The following FRAS1 variants were observed in gnomAD, a reference collection of about 807,000 sequenced individuals.
FRAS1 encodes Fraser extracellular matrix complex subunit 1, also known as extracellular matrix organizing protein FRAS1.
Under a neutral mutation model 435.2 loss-of-function variants are expected in FRAS1, and 290 were observed. That is an observed-to-expected ratio of 0.67 (90% CI 0.61 to 0.73). The LOEUF (loss-of-function observed/expected upper bound fraction) is 0.73. FRAS1 is among the 30% of genes least tolerant of loss of function. FRAS1 has a pLI of 0.00. For missense variants in FRAS1, 4,860 were observed against 5,001.5 expected, an observed-to-expected ratio of 0.97 and a Z score of 0.85; for synonymous variants, 1,800 against 1,851.0, an observed-to-expected ratio of 0.97 and a Z score of 0.71.
chr4:78,333,211 G>C, intron 18 of FRAS1, 61 bp from the exon 19 acceptor site: 1 of 1,548,142 alleles, frequency 6.5e-7, no homozygotes, highest in Non-Finnish European at 8.7e-7. Context: ...GAGAGATAGA[G>C]TTACTGTCTG....
At chr4:78,204,718 C>A (rs1307436090) in intron 2 of FRAS1, among the ~76,000 whole-genome samples, 1 of 152,144 alleles carries the variant, frequency 6.6e-6, no homozygotes, top group Non-Finnish European at 1.5e-5. Context: ...TTGACTAACT[C>A]TGAACTATTT....
Position 78,522,725 on chromosome 4 carries a change from T to C in FRAS1, c.10725T>C (p.Ile3575=). ...FVLTPDHLGG[I]EFDLQLLWSA... ...TGACTCCAGACCACCTAGGAGGAAT[T>C]GAATTTGACTTGCAGCTATTATGGA... The change falls in exon 69 of 74, where the codon ATT becomes ATC. Residue 3575 remains isoleucine, a synonymous_variant. Transcript: ENST00000512123. 6.2e-6 allele frequency: 10 copies of C among 1,612,198 alleles called. No homozygotes were observed. Among genetic ancestry groups the C allele is most frequent in the Non-Finnish European group, 8.5e-6 (10 of 1,179,102 alleles).
At chr4:78,316,500 C>T (rs1436735655) in intron 16 of FRAS1, among the ~76,000 whole-genome samples, 1 of 152,138 alleles carries the variant, frequency 6.6e-6, no homozygotes, top group Admixed American at 6.5e-5. Context: ...TCCTCTGTGT[C>T]CTGCCCCCAC....
Position 78,203,811 on chromosome 4 carries a change from G to A in FRAS1, c.109-33699G>A, listed in dbSNP as rs900646033. ...TCGAACTCCTGACCTCAGGTGATCC[G>A]CCCGCCTCGGGCTCCCAAAGTGCTG... On this transcript the variant is annotated intron_variant, in intron 2 of 73. Coordinates refer to ENST00000512123, the MANE Select transcript of FRAS1 (RefSeq NM_025074.7). 4.6e-5 allele frequency among the ~76,000 whole-genome samples: 7 copies of A among 152,144 alleles called. No homozygotes were observed. In the East Asian group the frequency reaches 5.8e-4, roughly 13 times the overall value.
At chr4:78,522,904 C>A in intron 69 of FRAS1, 96 bp downstream of exon 69, 1 of 1,122,610 alleles carries the variant, frequency 8.9e-7, no homozygotes, top group Non-Finnish European at 1.2e-6. Flanking sequence ...GAAGGCTAGA[C>A]TTTTATTTTA....
Position 78,513,463 on chromosome 4 carries a change from A to G in FRAS1, c.10085A>G (p.Asn3362Ser), listed in dbSNP as rs974771561. Residue 3362 changes from asparagine (N) to serine (S), a missense_variant, in exon 65 of 74, where the codon AAC (asparagine) becomes AGC (serine). Physicochemically the swap from Asn to Ser is conservative, Grantham distance 46 (BLOSUM62 1). Coordinates refer to ENST00000512123, the MANE Select transcript of FRAS1 (RefSeq NM_025074.7). Reference protein sequence around the residue: ...LPLISTMPLHNLHFLLSESIY... With the variant: ...LPLISTMPLHSLHFLLSESIY... ...CTTATCTCCACCATGCCGTTGCACA[A>G]CTTACATTTTCTACTGTCTGAGTCC... The G allele has an allele frequency of 6.2e-6, 10 of 1,613,826 alleles. No homozygotes were observed. The highest frequency in any genetic ancestry group is 1.3e-5 in the African/African-American group (1 of 74,912).
chr4:78,220,332 A>G (rs1462322164), intron 2 of FRAS1, among the ~76,000 whole-genome samples: 1 of 152,200 alleles, frequency 6.6e-6, no homozygotes, highest in Admixed American at 6.5e-5. Flanking sequence ...GTATTTTGTG[A>G]CACATGAAAA....
chr4:78,163,994 T>C (rs748782308), intron 2 of FRAS1, among the ~76,000 whole-genome samples: 2 of 152,164 alleles, frequency 1.3e-5, no homozygotes, highest in Non-Finnish European at 2.9e-5. Context: ...CTGGCCCTGA[T>C]AGTGAGGATC....
At chr4:78,486,788 A>G (rs1168120803) in intron 58 of FRAS1, among the ~76,000 whole-genome samples, 1 of 150,948 alleles carries the variant, frequency 6.6e-6, no homozygotes, top group Non-Finnish European at 1.5e-5. Flanking sequence ...TGGGCAGGCA[A>G]TCAGAAGATG....
At chr4:78,463,924 ACT>A (rs961074840) in intron 47 of FRAS1, 95 bp from the exon 48 acceptor site, 3 of 1,319,864 alleles carry the variant, frequency 2.3e-6, no homozygotes, top group African/African-American at 3.0e-5. Context: ...AATACAAAGG[ACT>A]CTCTATCTGG....
chr4:78,387,885 C>T (rs1732285136), intron 29 of FRAS1, among the ~76,000 whole-genome samples, 184 bp downstream of exon 29: 2 of 152,226 alleles, frequency 1.3e-5, no homozygotes, highest in South Asian at 2.1e-4. Flanking sequence ...AGACCTGTCC[C>T]CATGTTCTCT....
chr4:78,073,656 A>G (rs993212354), intron 2 of FRAS1, among the ~76,000 whole-genome samples: 5 of 152,220 alleles, frequency 3.3e-5, no homozygotes, highest in African/African-American at 1.2e-4. Flanking sequence ...CTAATTTATG[A>G]CACCTTATGG....
At chr4:78,198,158 A>G (rs906952126) in intron 2 of FRAS1, among the ~76,000 whole-genome samples, 1 of 151,960 alleles carries the variant, frequency 6.6e-6, no homozygotes, top group African/African-American at 2.4e-5. Context: ...CAATCTCAGG[A>G]CCTCCTCAGA....
intron 36 of FRAS1, 107 bp from the exon 37 acceptor site, chr4:78,430,185 A>G (rs1412827091): frequency 1.5e-6 from 2 of 1,331,972 alleles, no homozygotes; most frequent in African/African-American, 2.9e-5. Context: ...GATAACAATC[A>G]GATTACCCAC....
At position 78,264,438 on chromosome 4, in the gene FRAS1, A is replaced by G. The variant is rs533466391; in HGVS notation, c.604-587A>G. On this transcript the variant is annotated intron_variant, in intron 6 of 73. Coordinates refer to ENST00000512123, the MANE Select transcript of FRAS1 (RefSeq NM_025074.7). Reference sequence around the variant, plus strand: ...TGTGAAAGACCTCTCCAATGCACATATAAATATGTGTCCATTCATGTAAAT... The same window carrying G: ...TGTGAAAGACCTCTCCAATGCACATGTAAATATGTGTCCATTCATGTAAAT... Among the ~76,000 whole-genome samples, 75 of 152,330 alleles carry G rather than the reference A, an allele frequency of 4.9e-4. 3 individuals are homozygous for G. The South Asian group carries it at 0.015, about 31-fold the overall frequency.
At chr4:78,287,004 A>G (rs529033871) in intron 14 of FRAS1, among the ~76,000 whole-genome samples, 2 of 152,352 alleles carry the variant, frequency 1.3e-5, no homozygotes, top group South Asian at 2.1e-4. Flanking sequence ...ACACTGCCAT[A>G]TAGAACTACC....
At chr4:78,203,685 G>A (rs1243816513) in intron 2 of FRAS1, among the ~76,000 whole-genome samples, 2 of 152,108 alleles carry the variant, frequency 1.3e-5, no homozygotes, top group African/African-American at 4.8e-5. Flanking sequence ...TCCTGCTTCA[G>A]CCTCCTGAGT....
intron 60 of FRAS1, among the ~76,000 whole-genome samples, chr4:78,497,829 C>A (rs962954164): frequency 6.6e-6 from 1 of 152,142 alleles, no homozygotes; most frequent in African/African-American, 2.4e-5. Flanking sequence ...CTAACTTGGA[C>A]ATTGGATAAA....
At chr4:78,426,208 A>G (rs896388833) in intron 35 of FRAS1, among the ~76,000 whole-genome samples, 6 of 152,182 alleles carry the variant, frequency 3.9e-5, no homozygotes, top group Admixed American at 3.9e-4. Context: ...TCTGACATGT[A>G]TGTGTGTTGG....
Sources: allele counts gnomAD v4.1 joint callset (sites outside exome capture counted in the v4.1 genomes callset), GRCh38; gene constraint gnomAD v4.1.1; transcripts MANE v1.5; gene names NCBI Gene and HGNC (gene_info 2026-07-23, HGNC 2026-07-21).